The following DAPK1 variants were observed in gnomAD, a reference collection of about 807,000 sequenced individuals.
The protein encoded by DAPK1 is death-associated protein kinase 1.
DAPK1 carries 56 observed loss-of-function variants against 144.9 expected under a neutral mutation model. The observed-to-expected ratio is 0.39, with a 90% CI of 0.31 to 0.48. The LOEUF is 0.48. Ranked by LOEUF, DAPK1 falls within the 20% of genes least tolerant of loss-of-function variation. The probability of loss-of-function intolerance (pLI) is 0.95; values close to 1 mark genes in which losing one functional copy is unlikely to be tolerated. For synonymous variants in DAPK1, 690 were observed against 749.0 expected (o/e 0.92, Z 1.29); for missense variants, 1,454 against 1,875.4 (o/e 0.78, Z 4.15).
intron 2 of DAPK1, among the ~76,000 whole-genome samples, chr9:87,568,840 G>C (rs35765837): frequency 0.038 from 5,853 of 152,238 alleles, 147 homozygotes; most frequent in Middle Eastern, 0.096. Context: ...TTTACTCCCT[G>C]GGTGGGAAAG....
At chr9:87,593,939 C>G (rs1025361537) in intron 2 of DAPK1, among the ~76,000 whole-genome samples, 1 of 152,164 alleles carries the variant, frequency 6.6e-6, no homozygotes, top group African/African-American at 2.4e-5. Flanking sequence ...CAGAACCACT[C>G]GAGAGCCAGG....
At chr9:87,563,147 G>A (rs979522046) in intron 2 of DAPK1, among the ~76,000 whole-genome samples, 2 of 152,124 alleles carry the variant, frequency 1.3e-5, no homozygotes, top group African/African-American at 4.8e-5. Flanking sequence ...GAGACTTTTT[G>A]TTCTTTATTA....
intron 2 of DAPK1, among the ~76,000 whole-genome samples, chr9:87,503,306 C>T (rs1296543322): frequency 1.3e-5 from 2 of 151,316 alleles, no homozygotes; most frequent in African/African-American, 4.9e-5. Context: ...ACTCTGTTTC[C>T]CAGGCTGGAG....
chr9:87,629,298 A>G (rs1829585135), intron 3 of DAPK1, among the ~76,000 whole-genome samples: 2 of 152,170 alleles, frequency 1.3e-5, no homozygotes, highest in African/African-American at 4.8e-5. Context: ...ATGCTCGTCT[A>G]CAAGCCCAGG....
At chr9:87,563,981 T>C (rs181925100) in intron 2 of DAPK1, among the ~76,000 whole-genome samples, 57 of 152,308 alleles carry the variant, frequency 3.7e-4, no homozygotes, top group African/African-American at 1.3e-3. Flanking sequence ...TTTGGCGCCA[T>C]TTTGGATATG....
At position 87,542,662 on chromosome 9, in the gene DAPK1, A is replaced by G. The variant is rs374372110; in HGVS notation, c.62+43523A>G. Among the ~76,000 whole-genome samples, 198 of 152,342 alleles carry G rather than the reference A, an allele frequency of 1.3e-3. 12 individuals carry two copies. The South Asian group carries it at 0.04, about 30-fold the overall frequency. ...CAAACCCTCTGAGGTAGGAAAGATC[A>G]TTCCCATTTTAAGGATGAAGAAGCT... is the stretch of plus-strand genomic sequence containing the variant. On this transcript the variant is annotated intron_variant, in intron 2 of 25. Transcript: ENST00000408954.
intron 2 of DAPK1, among the ~76,000 whole-genome samples, chr9:87,595,662 T>A (rs773156526): frequency 1.3e-5 from 2 of 152,180 alleles, no homozygotes; most frequent in Non-Finnish European, 2.9e-5. Flanking sequence ...GCCACCTTCT[T>A]CTCCTTTGCA....
At chr9:87,507,716 G>A (rs1373352806) in intron 2 of DAPK1, among the ~76,000 whole-genome samples, 1 of 152,070 alleles carries the variant, frequency 6.6e-6, no homozygotes, top group East Asian at 1.9e-4. Context: ...ATGAATGCTT[G>A]TAAACTGCCG....
chr9:87,529,170 A>G (rs1180506754), intron 2 of DAPK1, among the ~76,000 whole-genome samples: 1 of 152,176 alleles, frequency 6.6e-6, no homozygotes, highest in Non-Finnish European at 1.5e-5. Context: ...CGCGTACTTG[A>G]TCTCTCAAGT....
In DAPK1 at chr9:87,613,830, TC is replaced by T. The variant is rs1829008560; in HGVS notation, c.284+8657del. ...AACCACAATAGCACACACTCAGACT[TC>T]CTCAATGCGTTCTTTTGCTGCCACA... On this transcript the variant is annotated intron_variant, in intron 3 of 25. Coordinates refer to ENST00000408954, the MANE Select transcript of DAPK1 (RefSeq NM_004938.4). Among the ~76,000 whole-genome samples the T allele has an allele frequency of 3.9e-5, 6 of 152,322 alleles. No individual in the cohort carries two copies. In the South Asian group the frequency reaches 1.0e-3, roughly 26 times the overall value.
At chr9:87,514,380 A>G (rs1824965899) in intron 2 of DAPK1, among the ~76,000 whole-genome samples, 1 of 152,266 alleles carries the variant, frequency 6.6e-6, no homozygotes, top group Non-Finnish European at 1.5e-5. Context: ...GGGCTGAGAC[A>G]GACAATGGGT....
At position 87,498,027 on chromosome 9, in the gene DAPK1, C is replaced by A; in HGVS notation, c.-189C>A. On this transcript the variant is annotated 5_prime_UTR_variant, in exon 1 of 26. Coordinates refer to ENST00000408954, the MANE Select transcript of DAPK1 (RefSeq NM_004938.4). ...CCCTAGCTGTGTTCCCGCCGCCGCC[C>A]CGGCTAGTCTCCGGCGCTGGCGCCT... 1 of 397,886 alleles carries A rather than the reference C, an allele frequency of 2.5e-6. No individual in the cohort carries two copies. The highest frequency in any genetic ancestry group is 1.3e-4 in the South Asian group (1 of 7,640). The allele number at this position is 397,886 out of a possible 1,614,324, so 24.6% of individuals were successfully genotyped here. A position where few individuals can be genotyped will look rare whatever the true frequency, so the allele number is the denominator to read the frequency against.
intron 11 of DAPK1, among the ~76,000 whole-genome samples, chr9:87,645,480 T>C (rs2225211): frequency 1 from 152,172 of 152,372 alleles, 75,986 homozygotes; most frequent in Middle Eastern, 1. Context: ...TATTCAAAGG[T>C]ATCATTTCTT....
chr9:87,602,922 T>TTCTCTCTCTCTCTC (rs143584239), intron 2 of DAPK1, among the ~76,000 whole-genome samples: 80 of 146,522 alleles, frequency 5.5e-4, no homozygotes, highest in African/African-American at 1.9e-3. Context: ...GTCTCTCTGT[T>TTCTCTCTCTCTCTC]TCTCTCTCTC....
intron 23 of DAPK1, among the ~76,000 whole-genome samples, chr9:87,699,737 T>G (rs1166747965): frequency 6.6e-6 from 1 of 152,192 alleles, no homozygotes; most frequent in Non-Finnish European, 1.5e-5. Context: ...GTGATGTAGC[T>G]TTTGCATTCA....
chr9:87,648,997 C>G (rs1399970576), intron 15 of DAPK1, 118 bp downstream of exon 15: 2 of 878,148 alleles, frequency 2.3e-6, no homozygotes, highest in African/African-American at 3.3e-5. Flanking sequence ...TCTTCCCCTA[C>G]AGAGGGCAAG....
intron 3 of DAPK1, among the ~76,000 whole-genome samples, chr9:87,614,672 C>T (rs1248929191): frequency 6.6e-6 from 1 of 152,106 alleles, no homozygotes; most frequent in Non-Finnish European, 1.5e-5. Flanking sequence ...TTTAGCTGTC[C>T]CCTCACAGGT....
At chr9:87,681,133 CTGGG>C (rs1243489864) in intron 19 of DAPK1, among the ~76,000 whole-genome samples, 1 of 152,080 alleles carries the variant, frequency 6.6e-6, no homozygotes, top group Non-Finnish European at 1.5e-5. Flanking sequence ...ACAAAATTAG[CTGGG>C]CATGGTGGCT....
chr9:87,508,818 A>G (rs180852704), intron 2 of DAPK1, among the ~76,000 whole-genome samples: 3 of 152,244 alleles, frequency 2.0e-5, no homozygotes, highest in Non-Finnish European at 4.4e-5. Flanking sequence ...CTAGCACCTC[A>G]TATGTCTATC....
Sources: gnomAD v4.1 joint callset for allele counts (sites outside exome capture counted in the v4.1 genomes callset) on GRCh38, gnomAD v4.1.1 for gene constraint, MANE v1.5 for transcripts, NCBI Gene and HGNC (gene_info 2026-07-23, HGNC 2026-07-21) for gene names.